Variants in ADAMTSL3 observed in about 807,000 individuals in gnomAD.
The protein encoded by ADAMTSL3 is ADAMTS like 3.
A neutral mutation model predicts 201.7 loss-of-function variants in ADAMTSL3; 128 were observed. That is an observed-to-expected ratio of 0.63 (90% CI 0.55 to 0.73). The LOEUF (loss-of-function observed/expected upper bound fraction) is 0.73. ADAMTSL3 is among the 30% of genes least tolerant of loss of function. The pLI is 0.00. For missense variants in ADAMTSL3, 1,990 were observed against 2,119.6 expected (o/e 0.94, Z 1.20); for synonymous variants, 738 against 748.4 (o/e 0.99, Z 0.23).
chr15:83,710,495 C>T (rs753507245), intron 3 of ADAMTSL3, among the ~76,000 whole-genome samples: 5 of 152,036 alleles, frequency 3.3e-5, no homozygotes, highest in Non-Finnish European at 7.4e-5. Context: ...CTTCAACAGG[C>T]ATCCTTTTTA....
chr15:83,808,931 AC>A (rs1402901732), intron 5 of ADAMTSL3, among the ~76,000 whole-genome samples: 38 of 151,694 alleles, frequency 2.5e-4, no homozygotes, highest in Non-Finnish European at 4.4e-4. Context: ...AAAAAAAAAA[AC>A]AACTTGATAT....
chr15:84,027,564 G>T (rs1301471651), intron 27 of ADAMTSL3, among the ~76,000 whole-genome samples: 1 of 152,064 alleles, frequency 6.6e-6, no homozygotes, highest in Admixed American at 6.6e-5. Flanking sequence ...CAAAAAATTA[G>T]CTGGGCGTGG....
chr15:83,849,633 C>G (rs1011379115), intron 7 of ADAMTSL3, among the ~76,000 whole-genome samples: 8 of 152,134 alleles, frequency 5.3e-5, no homozygotes, highest in Non-Finnish European at 8.8e-5. Flanking sequence ...TCTTTATCAT[C>G]GCCTCCAGCT....
chr15:83,792,787 G>A (rs2063363753), intron 4 of ADAMTSL3, among the ~76,000 whole-genome samples: 1 of 128,150 alleles, frequency 7.8e-6, no homozygotes, highest in South Asian at 2.5e-4. Flanking sequence ...GTGAGACTCT[G>A]TCTCAAAAAA....
At chr15:83,860,888 G>T (rs755232086) in intron 8 of ADAMTSL3, among the ~76,000 whole-genome samples, 1 of 152,180 alleles carries the variant, frequency 6.6e-6, no homozygotes, top group South Asian at 2.1e-4. Context: ...CCCGGGAAGC[G>T]CAATGGGTCA....
intron 3 of ADAMTSL3, among the ~76,000 whole-genome samples, chr15:83,749,483 G>A (rs558897662): frequency 3.9e-5 from 6 of 152,350 alleles, no homozygotes; most frequent in East Asian, 1.9e-4. Context: ...CTGATGAGCT[G>A]TGATGGACAG....
At chr15:83,883,669 C>T (rs1028615264) in intron 9 of ADAMTSL3, among the ~76,000 whole-genome samples, 10 of 151,896 alleles carry the variant, frequency 6.6e-5, no homozygotes, top group Non-Finnish European at 1.0e-4. Context: ...TGTCTTCCTG[C>T]CTCAGCATCC....
At chr15:84,021,754 G>C (rs2068209583) in intron 26 of ADAMTSL3, among the ~76,000 whole-genome samples, 161 bp downstream of exon 26, 1 of 152,178 alleles carries the variant, frequency 6.6e-6, no homozygotes, top group South Asian at 2.1e-4. Context: ...AGTGTCCTGT[G>C]AGGTAGATGT....
intron 10 of ADAMTSL3, among the ~76,000 whole-genome samples, chr15:83,889,444 G>A (rs1256755742): frequency 2.0e-5 from 3 of 152,162 alleles, no homozygotes; most frequent in Admixed American, 6.5e-5. Context: ...TCAAAAACAT[G>A]ATGTTGAGTG....
At chr15:83,699,081 G>T (rs2061728907) in intron 2 of ADAMTSL3, among the ~76,000 whole-genome samples, 1 of 151,824 alleles carries the variant, frequency 6.6e-6, no homozygotes, top group South Asian at 2.1e-4. Context: ...GGCTTTTCTG[G>T]TATAATGGTT....
At chr15:83,675,230 G>A (rs1419963063) in intron 2 of ADAMTSL3, among the ~76,000 whole-genome samples, 1 of 151,978 alleles carries the variant, frequency 6.6e-6, no homozygotes, top group East Asian at 1.9e-4. Context: ...TTGATATCTG[G>A]TGAAACTAGG....
At chr15:83,903,965 A>AGGGAGGGAGGGAGGG (rs2065786023) in intron 15 of ADAMTSL3, among the ~76,000 whole-genome samples, 1 of 81,402 alleles carries the variant, frequency 1.2e-5, no homozygotes, top group Non-Finnish European at 2.6e-5. Context: ...AGAAAGAAAG[A>AGGGAGGGAGGGAGGG]AAGAAAAGGA....
At chr15:83,807,514 G>A (rs1375536671) in intron 5 of ADAMTSL3, among the ~76,000 whole-genome samples, 1 of 152,054 alleles carries the variant, frequency 6.6e-6, no homozygotes. Flanking sequence ...GGTGTTCATG[G>A]ATTGGAAAAA....
At chr15:83,689,361 A>T (rs1294685320) in intron 2 of ADAMTSL3, among the ~76,000 whole-genome samples, 1 of 152,204 alleles carries the variant, frequency 6.6e-6, no homozygotes, top group Non-Finnish European at 1.5e-5. Context: ...CTCTCTGCTC[A>T]GATGTATGCA....
At chr15:83,734,018 G>T (rs1330250170) in intron 3 of ADAMTSL3, among the ~76,000 whole-genome samples, 1 of 152,094 alleles carries the variant, frequency 6.6e-6, no homozygotes, top group Non-Finnish European at 1.5e-5. Flanking sequence ...GGGAAGCGTG[G>T]TGAGTCTCTC....
At chr15:83,752,358 T>C (rs1337957103) in intron 3 of ADAMTSL3, among the ~76,000 whole-genome samples, 1 of 152,106 alleles carries the variant, frequency 6.6e-6, no homozygotes, top group Non-Finnish European at 1.5e-5. Flanking sequence ...TGAATTCTAT[T>C]TAAAAAAATC....
chr15:83,713,198 T>A (rs886725012), intron 3 of ADAMTSL3, among the ~76,000 whole-genome samples: 1 of 152,294 alleles, frequency 6.6e-6, no homozygotes, highest in Non-Finnish European at 1.5e-5. Flanking sequence ...TTCTGAGCTC[T>A]GCTAAAGAAG....
chr15:83,730,659 T>C (rs753546596), intron 3 of ADAMTSL3, among the ~76,000 whole-genome samples: 1 of 152,084 alleles, frequency 6.6e-6, no homozygotes, highest in Non-Finnish European at 1.5e-5. Flanking sequence ...GAATTTCTTA[T>C]ATATTTTGGA....
rs558526579 is a variant in ADAMTSL3, at chr15:83,953,302, G to A, written c.2490+10220G>A. Among the ~76,000 whole-genome samples, 17 of 151,486 alleles carry A rather than the reference G, an allele frequency of 1.1e-4. No individual in the cohort carries two copies. The South Asian group carries it at 1.3e-3, about 11-fold the overall frequency. On this transcript the variant is annotated intron_variant, in intron 19 of 29. Coordinates refer to ENST00000286744, the MANE Select transcript of ADAMTSL3 (RefSeq NM_207517.3). ...GCTTTTTATTTTTTCTGTATCCATC[G>A]TATGGTTTTTGATTTGAGATTACCA...
Sources: gnomAD v4.1 joint callset for allele counts (sites outside exome capture counted in the v4.1 genomes callset) on GRCh38, gnomAD v4.1.1 for gene constraint, MANE v1.5 for transcripts, NCBI Gene and HGNC (gene_info 2026-07-23, HGNC 2026-07-21) for gene names.